The following ARHGAP26 variants were observed in gnomAD, a reference collection of about 807,000 sequenced individuals.
ARHGAP26 encodes the protein Rho GTPase activating protein 26, also known as rho GTPase-activating protein 26.
ARHGAP26 carries 38 observed loss-of-function variants against 104.8 expected under a neutral mutation model. The ratio of observed to expected loss-of-function variants is 0.36; its 90% CI spans 0.28 to 0.48. The LOEUF (loss-of-function observed/expected upper bound fraction) is 0.48. Ranked by LOEUF, ARHGAP26 falls within the 20% of genes least tolerant of loss-of-function variation. The probability of loss-of-function intolerance (pLI) is 0.99; values close to 1 mark genes in which losing one functional copy is unlikely to be tolerated. For missense variants in ARHGAP26, 704 were observed against 947.9 expected, an observed-to-expected ratio of 0.74 and a Z score of 3.38; for synonymous variants, 341 against 340.0, an observed-to-expected ratio of 1.00 and a Z score of -0.03.
chr5:142,824,117 G>T (rs1200166365), intron 1 of ARHGAP26, among the ~76,000 whole-genome samples: 2 of 152,104 alleles, frequency 1.3e-5, no homozygotes, highest in East Asian at 3.9e-4. Flanking sequence ...AACACTGTAT[G>T]AGTTTCAGTA....
intron 11 of ARHGAP26, 87 bp from the exon 12 acceptor site, chr5:143,013,993 G>A (rs754358092): frequency 3.5e-5 from 48 of 1,352,216 alleles, no homozygotes; most frequent in Non-Finnish European, 4.8e-5. Context: ...GCAAACTAGG[G>A]AAAGTGAGGA....
At chr5:143,059,268 A>G (rs1786331538) in intron 17 of ARHGAP26, among the ~76,000 whole-genome samples, 1 of 152,188 alleles carries the variant, frequency 6.6e-6, no homozygotes, top group Admixed American at 6.5e-5. Context: ...TCAGGCCTGC[A>G]GAGAGCAGCT....
intron 7 of ARHGAP26, among the ~76,000 whole-genome samples, chr5:142,902,771 T>G (rs1760546873): frequency 6.6e-6 from 1 of 152,212 alleles, no homozygotes; most frequent in Non-Finnish European, 1.5e-5. Context: ...TTGCAGAATC[T>G]TGGAAAAGGT....
chr5:143,104,630 A>G (rs937062250), intron 17 of ARHGAP26, among the ~76,000 whole-genome samples: 23 of 152,248 alleles, frequency 1.5e-4, no homozygotes, highest in Non-Finnish European at 5.9e-5. Flanking sequence ...ATTCACTGCA[A>G]TATTAGTGGA....
intron 20 of ARHGAP26, chr5:143,166,151 C>A: frequency 2.4e-6 from 3 of 1,227,638 alleles, no homozygotes; most frequent in Non-Finnish European, 3.2e-6. Flanking sequence ...TAAAGAATAA[C>A]ACACGCCCTT....
At chr5:142,802,918 C>T (rs1262069905) in intron 1 of ARHGAP26, among the ~76,000 whole-genome samples, 4 of 152,126 alleles carry the variant, frequency 2.6e-5, no homozygotes, top group African/African-American at 9.7e-5. Flanking sequence ...TTGGGCCTAC[C>T]CCATAGGGCT....
intron 5 of ARHGAP26, among the ~76,000 whole-genome samples, chr5:142,890,154 ATATATATAT>A (rs1758415446): frequency 3.9e-4 from 18 of 46,212 alleles, no homozygotes; most frequent in Middle Eastern, 0.01. Context: ...AAAAAAAAAT[ATATATATAT>A]ATATATATAT....
intron 11 of ARHGAP26, among the ~76,000 whole-genome samples, chr5:142,960,695 A>C (rs973253995): frequency 5.3e-5 from 8 of 152,242 alleles, no homozygotes; most frequent in African/African-American, 1.9e-4. Context: ...GCTAAGCTTA[A>C]TTTATTGAGA....
rs117321021 is a variant in ARHGAP26 at position 143,146,114 on chromosome 5, T to A, written c.1838-1117T>A. On this transcript the variant is annotated intron_variant, in intron 19 of 22. Transcript: ENST00000645722. ...GCCTAGATATGATGTTTAAGTGAAT[T>A]AATTTTCAGAAATATCAGTTGATTT... is the stretch of plus-strand genomic sequence containing the variant. Among the ~76,000 whole-genome samples, 258 of 152,306 alleles carry A rather than the reference T, an allele frequency of 1.7e-3. 5 individuals are homozygous for A. The East Asian group carries it at 0.04, about 24-fold the overall frequency.
chr5:143,220,246 G>A (rs555861953), intron 22 of ARHGAP26, among the ~76,000 whole-genome samples: 5 of 152,254 alleles, frequency 3.3e-5, no homozygotes, highest in African/African-American at 1.2e-4. Context: ...GGTTTGATTT[G>A]TTAATTTTAT....
rs536919888 is a variant in ARHGAP26 at position 143,029,392 on chromosome 5, G to GTTTTTTTTTTTTTTT, written c.1145-7788_1145-7774dup. On this transcript the variant is annotated intron_variant, in intron 12 of 22. Transcript: ENST00000645722. The stretch of plus-strand genomic sequence containing the variant: ...CATGTTAGAAATCCTTTACTTCTCA[G>GTTTTTTTTTTTTTTT]TTTTTTTTTTTTTTTTTTTTTTTTT... Among the ~76,000 whole-genome samples, 3 of 80,812 alleles carry GTTTTTTTTTTTTTTT rather than the reference G, an allele frequency of 3.7e-5. 1 individual carries two copies. 53.0% of individuals were successfully genotyped at this position (80,812 alleles called of 152,430 possible).
chr5:142,851,287 G>A (rs1389004723), intron 1 of ARHGAP26, among the ~76,000 whole-genome samples: 1 of 152,024 alleles, frequency 6.6e-6, no homozygotes, highest in East Asian at 1.9e-4. Flanking sequence ...AGTAGAGACG[G>A]GGTTTTTCCA....
chr5:142,812,430 T>G (rs1232512500), intron 1 of ARHGAP26, among the ~76,000 whole-genome samples: 1 of 151,824 alleles, frequency 6.6e-6, no homozygotes, highest in African/African-American at 2.4e-5. Flanking sequence ...TCTGCCTCCT[T>G]GGGTTCAAGC....
At chr5:142,842,195 A>G (rs1049799775) in intron 1 of ARHGAP26, among the ~76,000 whole-genome samples, 5 of 152,210 alleles carry the variant, frequency 3.3e-5, no homozygotes, top group Non-Finnish European at 7.3e-5. Context: ...TGCTTTTTTC[A>G]AGTGATATTT....
chr5:143,165,226 C>T (rs796908011), intron 20 of ARHGAP26: 12 of 152,220 alleles, frequency 7.9e-5, no homozygotes, highest in African/African-American at 2.2e-4. Context: ...AAGCTGGGGT[C>T]GAATCAGGGC....
At chr5:143,132,861 TAA>T (rs11339754) in intron 18 of ARHGAP26, among the ~76,000 whole-genome samples, 9,172 of 134,546 alleles carry the variant, frequency 0.068, 805 homozygotes, top group African/African-American at 0.21. Context: ...GAATCTGGGG[TAA>T]AAAAAAAAAA....
intron 12 of ARHGAP26, among the ~76,000 whole-genome samples, chr5:143,036,288 A>C (rs990412914): frequency 1.3e-5 from 2 of 152,178 alleles, no homozygotes; most frequent in Non-Finnish European, 2.9e-5. Context: ...AAAGATTATC[A>C]CCGGGTAACC....
chr5:143,117,186 G>A lies in ARHGAP26; in HGVS notation c.1539-3802G>A, dbSNP rs188461377. Reference sequence around the variant, plus strand: ...CAACATGACATTCTGAGCCATGTGAGGAGGAACTCAGACAGCTCAATTTGA... The same window carrying A: ...CAACATGACATTCTGAGCCATGTGAAGAGGAACTCAGACAGCTCAATTTGA... On this transcript the variant is annotated intron_variant, in intron 17 of 22. Coordinates refer to ENST00000645722, the MANE Select transcript of ARHGAP26 (RefSeq NM_001135608.3). 3.3e-3 allele frequency among the ~76,000 whole-genome samples: 502 copies of A among 152,302 alleles called. 2 individuals carry two copies. The highest frequency in any genetic ancestry group is 5.9e-3 in the Non-Finnish European group (402 of 68,020).
At chr5:142,904,932 C>T (rs1760902987) in intron 8 of ARHGAP26, among the ~76,000 whole-genome samples, 1 of 152,138 alleles carries the variant, frequency 6.6e-6, no homozygotes. Flanking sequence ...TTAGTAATTA[C>T]TCAAAAATTT....
Sources: gnomAD v4.1 joint callset for allele counts (sites outside exome capture counted in the v4.1 genomes callset) on GRCh38, gnomAD v4.1.1 for gene constraint, MANE v1.5 for transcripts, NCBI Gene and HGNC (gene_info 2026-07-23, HGNC 2026-07-21) for gene names.